CIP2A: variants seen among roughly 807,000 people sequenced by gnomAD.
CIP2A encodes cellular inhibitor of PP2A.
A neutral mutation model predicts 110.9 loss-of-function variants in CIP2A; 103 were observed. That is an observed-to-expected ratio of 0.93 (90% CI 0.79 to 1.09). The LOEUF (loss-of-function observed/expected upper bound fraction) is 1.09. Ranked by LOEUF, CIP2A falls within the 50% of genes least tolerant of loss-of-function variation. The pLI is 0.00. For missense variants in CIP2A, 1,088 were observed against 1,038.4 expected (o/e 1.05, Z -0.66); for synonymous variants, 381 against 361.6 (o/e 1.05, Z -0.61).
At chr3:108,562,393 T>C (rs1183909469) in intron 13 of CIP2A, among the ~76,000 whole-genome samples, 2 of 152,152 alleles carry the variant, frequency 1.3e-5, no homozygotes, top group African/African-American at 2.4e-5. Context: ...CAAAAACAGA[T>C]GCCTGTCCAC....
intron 1 of CIP2A, among the ~76,000 whole-genome samples, chr3:108,587,648 A>T (rs2107376950): frequency 6.6e-6 from 1 of 152,360 alleles, no homozygotes; most frequent in South Asian, 2.1e-4. Context: ...AATTACAAAA[A>T]GTCCTTTTTA....
intron 18 of CIP2A, 40 bp from the exon 19 acceptor site, chr3:108,553,770 C>T: frequency 6.7e-7 from 1 of 1,490,398 alleles, no homozygotes; most frequent in Non-Finnish European, 9.2e-7. Flanking sequence ...CATTAATGAA[C>T]CATATACCAT....
In CIP2A at chr3:108,582,115, C is replaced by T. The variant is rs780801749; in HGVS notation, c.445G>A (p.Asp149Asn). 5.0e-6 allele frequency: 7 copies of T among 1,408,752 alleles called. No individual in the cohort carries two copies. The highest frequency in any genetic ancestry group is 3.7e-5 in the Admixed American group (2 of 53,498). 87.3% of individuals were successfully genotyped at this position (1,408,752 alleles called of 1,614,324 possible). A position where few individuals can be genotyped will look rare whatever the true frequency, so the allele number is the denominator to read the frequency against. ...NIDELITFLIDHIQSSEDELK... is the reference protein window; with the variant it reads ...NIDELITFLINHIQSSEDELK... ...GTTTGATTGCATACTCACATGTGAT[C>T]TATCAGGAACGTAATTAATTCATCT... The change falls in exon 4 of 21, where the codon GAT becomes AAT. Residue 149 changes from aspartate (D) to asparagine (N), a missense_variant. Transcript: ENST00000295746.
At chr3:108,580,410 A>C (rs1262704853) in intron 5 of CIP2A, among the ~76,000 whole-genome samples, 1 of 146,686 alleles carries the variant, frequency 6.8e-6, no homozygotes, top group East Asian at 2.0e-4. Flanking sequence ...TGAACATATG[A>C]ACTTTTTTTT....
At chr3:108,553,896 T>TAAAAAAAAAAAAAAAAAAAAAAAAA (rs71103478) in intron 18 of CIP2A, among the ~76,000 whole-genome samples, 166 bp from the exon 19 acceptor site, 1 of 84,178 alleles carries the variant, frequency 1.2e-5, no homozygotes, top group African/African-American at 4.4e-5. Flanking sequence ...ACTAAAAATA[T>TAAAAAAAAAAAAAAAAAAAAAAAAA]AAAAAAAAAA....
chr3:108,588,298 G>A (rs899003378), intron 1 of CIP2A, among the ~76,000 whole-genome samples: 1 of 151,978 alleles, frequency 6.6e-6, no homozygotes, highest in Non-Finnish European at 1.5e-5. Flanking sequence ...GAATGAAAAA[G>A]AGAAAACAAA....
At chr3:108,565,705 TTC>T (rs1300150279) in intron 11 of CIP2A, among the ~76,000 whole-genome samples, 2 of 151,788 alleles carry the variant, frequency 1.3e-5, no homozygotes, top group Non-Finnish European at 3.0e-5. Flanking sequence ...TGCTTCAACT[TTC>T]TGTTTCAAGT....
chr3:108,560,620 C>T (rs751467487), intron 14 of CIP2A, 29 bp downstream of exon 14: 5 of 1,405,994 alleles, frequency 3.6e-6, no homozygotes, highest in Middle Eastern at 2.3e-4. Context: ...TAATATGTAC[C>T]AGGTTATAAT....
At chr3:108,583,874 C>T (rs1205754606) in intron 2 of CIP2A, among the ~76,000 whole-genome samples, 1 of 152,010 alleles carries the variant, frequency 6.6e-6, no homozygotes, top group Admixed American at 6.5e-5. Context: ...ATATGTACCC[C>T]ATAAGTTTGT....
intron 7 of CIP2A, among the ~76,000 whole-genome samples, chr3:108,578,457 C>T (rs1377462893): frequency 2.0e-5 from 3 of 151,948 alleles, no homozygotes; most frequent in Non-Finnish European, 4.4e-5. Flanking sequence ...ATCAGCTGAG[C>T]CATATGAACA....
chr3:108,552,531 T>C (rs183111692), intron 19 of CIP2A, among the ~76,000 whole-genome samples, 158 bp from the exon 20 acceptor site: 53 of 152,270 alleles, frequency 3.5e-4, no homozygotes, highest in Admixed American at 2.9e-3. Context: ...CAAATCTCCA[T>C]GTCTTTCTTC....
At chr3:108,557,795 A>G (rs1937860879) in intron 16 of CIP2A, among the ~76,000 whole-genome samples, 1 of 152,154 alleles carries the variant, frequency 6.6e-6, no homozygotes, top group East Asian at 1.9e-4. Context: ...ATTAAGAACA[A>G]AATCTTAACG....
Position 108,554,423 on chromosome 3 carries a change from A to AAT in CIP2A, c.2275_2276dup (p.Glu760LeufsTer4). ...ACTCATTCAACTTTTTCACTGTCTC[A>AAT]ATTTGTTTATTCAGAGAATCACATG... is the stretch of plus-strand genomic sequence containing the variant. On this transcript the variant is annotated frameshift_variant, in exon 18 of 21. Transcript: ENST00000295746. LOFTEE classifies it high-confidence loss of function. 1 of 1,567,052 alleles carries AAT rather than the reference A, an allele frequency of 6.4e-7. No individual in the cohort carries two copies. The highest frequency in any genetic ancestry group is 8.8e-7 in the Non-Finnish European group (1 of 1,142,098).
chr3:108,582,362 T>C (rs1208979798), intron 3 of CIP2A, among the ~76,000 whole-genome samples, 160 bp from the exon 4 acceptor site: 1 of 152,198 alleles, frequency 6.6e-6, no homozygotes, highest in Non-Finnish European at 1.5e-5. Context: ...AGGGCTCTTC[T>C]CTCAATTCAC....
chr3:108,565,184 T>C (rs1938141454), intron 12 of CIP2A, among the ~76,000 whole-genome samples, 171 bp downstream of exon 12: 1 of 151,928 alleles, frequency 6.6e-6, no homozygotes, highest in Admixed American at 6.6e-5. Flanking sequence ...GTATATAAAA[T>C]AACTGTGCAG....
At chr3:108,565,273 G>A (rs1180680630) in intron 12 of CIP2A, 82 bp downstream of exon 12, 2 of 702,074 alleles carry the variant, frequency 2.8e-6, no homozygotes, top group Non-Finnish European at 2.4e-6. Flanking sequence ...ATCTTCTAAA[G>A]ATTAAGAATA....
intron 1 of CIP2A, among the ~76,000 whole-genome samples, chr3:108,587,532 A>G (rs1363358700): frequency 6.6e-6 from 1 of 152,206 alleles, no homozygotes; most frequent in Non-Finnish European, 1.5e-5. Context: ...TACTCTACCT[A>G]TATGTTAGCT....
At position 108,578,711 on chromosome 3, in the gene CIP2A, A is replaced by C. The variant is rs892819745; in HGVS notation, c.818+570T>G. Among the ~76,000 whole-genome samples, 5 of 152,210 alleles carry C rather than the reference A, an allele frequency of 3.3e-5. No homozygotes were observed. In the South Asian group the frequency reaches 1.0e-3, roughly 32 times the overall value. On this transcript the variant is annotated intron_variant, in intron 7 of 20. Coordinates refer to ENST00000295746, the MANE Select transcript of CIP2A (RefSeq NM_020890.3). ...TTAAGTTAGAATGCACAAAGGCCAC[A>C]AGCTTGTTGGAAAACAATTACTACC...
chr3:108,587,890 T>G (rs1939121089), intron 1 of CIP2A, among the ~76,000 whole-genome samples: 1 of 152,032 alleles, frequency 6.6e-6, no homozygotes, highest in Non-Finnish European at 1.5e-5. Flanking sequence ...CAAGCGATTC[T>G]CCAGCCTCAG....
Sources: allele counts gnomAD v4.1 joint callset (sites outside exome capture counted in the v4.1 genomes callset), GRCh38; gene constraint gnomAD v4.1.1; transcripts MANE v1.5; gene names NCBI Gene and HGNC (gene_info 2026-07-23, HGNC 2026-07-21).